FSD1L: variants seen among roughly 807,000 people sequenced by gnomAD.
FSD1L encodes fibronectin type III and SPRY domain containing 1 like, also known as FSD1-like protein.
FSD1L carries 45 observed loss-of-function variants against 71.6 expected under a neutral mutation model. That is an observed-to-expected ratio of 0.63 (90% CI 0.49 to 0.81). The LOEUF (loss-of-function observed/expected upper bound fraction) is 0.81, where lower values mean the gene tolerates loss of function less well. FSD1L is among the 30% of genes least tolerant of loss of function. The pLI is 0.00. For synonymous variants in FSD1L, 197 were observed against 207.2 expected (o/e 0.95, Z 0.42); for missense variants, 561 against 618.1 (o/e 0.91, Z 0.98).
At chr9:105,486,059 C>A (rs188593466) in intron 7 of FSD1L, among the ~76,000 whole-genome samples, 1 of 147,646 alleles carries the variant, frequency 6.8e-6, no homozygotes, top group African/African-American at 2.7e-5. Context: ...GTAGTTCTCA[C>A]ACTGTAATGG....
chr9:105,448,371 A>C, intron 1 of FSD1L, 136 bp downstream of exon 1: 2 of 790,270 alleles, frequency 2.5e-6, no homozygotes, highest in East Asian at 3.5e-5. Flanking sequence ...GCGGAGGGCA[A>C]GGCCGCCCGG....
At chr9:105,521,448 A>G in intron 10 of FSD1L, 2 of 1,613,802 alleles carry the variant, frequency 1.2e-6, no homozygotes, top group East Asian at 4.5e-5. Context: ...AATAGTTCGC[A>G]GAGTTTTTTC....
At chr9:105,528,058 G>A (rs2131454457) in intron 10 of FSD1L, among the ~76,000 whole-genome samples, 1 of 151,988 alleles carries the variant, frequency 6.6e-6, no homozygotes, top group Non-Finnish European at 1.5e-5. Flanking sequence ...GCTACAAAGA[G>A]AATACGTAGG....
intron 10 of FSD1L, chr9:105,524,145 G>C (rs1046501206): frequency 2.5e-6 from 4 of 1,612,088 alleles, no homozygotes; most frequent in Non-Finnish European, 8.5e-7. Context: ...TTGTAGTTTA[G>C]GTATTTGGAT....
At chr9:105,524,823 G>T in intron 10 of FSD1L, 2 of 1,587,550 alleles carry the variant, frequency 1.3e-6, no homozygotes, top group East Asian at 2.2e-5. Context: ...TCCAATGAGC[G>T]GTGGTCCTGC....
intron 13 of FSD1L, among the ~76,000 whole-genome samples, chr9:105,543,440 T>A (rs1836759100): frequency 6.6e-6 from 1 of 152,234 alleles, no homozygotes; most frequent in African/African-American, 2.4e-5. Flanking sequence ...TTTTTGTTTT[T>A]ATTTTTATTA....
At chr9:105,536,229 C>G (rs1453923533) in intron 12 of FSD1L, among the ~76,000 whole-genome samples, 1 of 152,222 alleles carries the variant, frequency 6.6e-6, no homozygotes, top group Non-Finnish European at 1.5e-5. Context: ...AGTTGACTCA[C>G]ATTGTTTCCC....
rs181772701 is a variant in FSD1L at position 105,491,995 on chromosome 9, A to G, written c.586+7493A>G. ...TGTGTCTCTGCCCGGCTTTGGTATC[A>G]GGATGATGCTGGCCTCGTAAAATGA... On this transcript the variant is annotated intron_variant, in intron 7 of 13. Transcript: ENST00000481272. 6.0e-3 allele frequency among the ~76,000 whole-genome samples: 912 copies of G among 152,092 alleles called. 17 individuals carry two copies. Among genetic ancestry groups the G allele is most frequent in the African/African-American group, 0.021 (871 of 41,396 alleles).
chr9:105,490,353 T>G (rs1832843425), intron 7 of FSD1L, among the ~76,000 whole-genome samples: 2 of 152,242 alleles, frequency 1.3e-5, no homozygotes, highest in African/African-American at 2.4e-5. Flanking sequence ...GATGGAGTTG[T>G]TTGTTTTTTT....
intron 10 of FSD1L, among the ~76,000 whole-genome samples, chr9:105,531,816 A>G (rs890149778): frequency 6.6e-6 from 1 of 152,194 alleles, no homozygotes; most frequent in Non-Finnish European, 1.5e-5. Flanking sequence ...TTCTTTTATT[A>G]TATAGGTGTT....
chr9:105,522,357 G>C (rs1208250312), intron 10 of FSD1L: 21 of 1,614,026 alleles, frequency 1.3e-5, no homozygotes, highest in Non-Finnish European at 1.8e-5. Flanking sequence ...CAAAGGGAAA[G>C]GAGTTGGACA....
intron 3 of FSD1L, 52 bp from the exon 4 acceptor site, chr9:105,468,141 T>C: frequency 7.8e-7 from 1 of 1,287,280 alleles, no homozygotes; most frequent in Non-Finnish European, 1.0e-6. Flanking sequence ...TTTTAGGTTT[T>C]AAATGTTTGA....
rs369033551 is a variant in FSD1L at position 105,465,875 on chromosome 9, C to CTT, written c.207+1557_207+1558dup. On this transcript the variant is annotated intron_variant, in intron 3 of 13. Coordinates refer to ENST00000481272, the MANE Select transcript of FSD1L (RefSeq NM_001145313.3). ...AAGACAAAGATGTTTACTCTCACCACTTTTTTTTTTTTTTGAGACAAAGAC... is the reference window on the plus strand; with the variant it reads ...AAGACAAAGATGTTTACTCTCACCACTTTTTTTTTTTTTTTTGAGACAAAGAC... Among the ~76,000 whole-genome samples the CTT allele has an allele frequency of 9.3e-3, 1,340 of 144,352 alleles. 20 individuals carry two copies. The highest frequency in any genetic ancestry group is 0.032 in the African/African-American group (1,279 of 39,512). 94.7% of individuals were successfully genotyped at this position (144,352 alleles called of 152,430 possible).
chr9:105,481,049 G>A (rs1328699461), intron 6 of FSD1L, among the ~76,000 whole-genome samples: 1 of 151,266 alleles, frequency 6.6e-6, no homozygotes, highest in African/African-American at 2.4e-5. Flanking sequence ...ATTCTTCACT[G>A]AAGCTTGGGT....
At chr9:105,493,406 G>C (rs1271834522) in intron 7 of FSD1L, among the ~76,000 whole-genome samples, 1 of 152,072 alleles carries the variant, frequency 6.6e-6, no homozygotes, top group African/African-American at 2.4e-5. Flanking sequence ...CTGCACGTGA[G>C]ATGGGTTTCC....
intron 11 of FSD1L, 38 bp downstream of exon 11, chr9:105,534,631 T>A: frequency 8.3e-7 from 1 of 1,198,622 alleles, no homozygotes; most frequent in Non-Finnish European, 1.2e-6. Flanking sequence ...TATCTCAGAT[T>A]AAAGGCATCA....
rs770970868 is a variant in FSD1L, at chr9:105,546,348, C to G, written c.1468-10C>G. The G allele has an allele frequency of 4.0e-5, 60 of 1,505,606 alleles. No homozygotes were observed. Among genetic ancestry groups the G allele is most frequent in the Non-Finnish European group, 5.1e-5 (58 of 1,131,870 alleles). The allele number at this position is 1,505,606 out of a possible 1,614,324, so 93.3% of individuals were successfully genotyped here. On this transcript the variant is annotated splice_polypyrimidine_tract_variant and intron_variant, in intron 13 of 13. Coordinates refer to ENST00000481272, the MANE Select transcript of FSD1L (RefSeq NM_001145313.3). ...TTTGCAATCTGACAGGTTTTTTTGT[C>G]TTTTCTTAGGTATGGTGTGGTGGAC... is the stretch of plus-strand genomic sequence containing the variant.
chr9:105,522,844 G>A (rs1835263422), intron 10 of FSD1L: 2 of 1,610,714 alleles, frequency 1.2e-6, no homozygotes, highest in Non-Finnish European at 1.7e-6. Flanking sequence ...AGTCCAGGCA[G>A]CCTGGAAATT....
chr9:105,526,085 T>C (rs1256888330), intron 10 of FSD1L: 1 of 1,527,962 alleles, frequency 6.5e-7, no homozygotes, highest in African/African-American at 1.4e-5. Flanking sequence ...ATTCAGATAA[T>C]GAGAAAACCA....
Sources: allele counts gnomAD v4.1 joint callset (sites outside exome capture counted in the v4.1 genomes callset), GRCh38; gene constraint gnomAD v4.1.1; transcripts MANE v1.5; gene names NCBI Gene and HGNC (gene_info 2026-07-23, HGNC 2026-07-21).